Variants in TNS1 observed in about 807,000 individuals in gnomAD.
TNS1 encodes the protein tensin 1.
A neutral mutation model predicts 168.6 loss-of-function variants in TNS1; 62 were observed. The observed-to-expected ratio is 0.37, with a 90% CI of 0.30 to 0.45. The LOEUF is 0.45. Ranked by LOEUF, TNS1 falls within the 20% of genes least tolerant of loss-of-function variation. The pLI, the probability that TNS1 is intolerant of heterozygous loss-of-function variation, is 1.00. For synonymous variants in TNS1, 934 were observed against 933.2 expected, an observed-to-expected ratio of 1.00 and a Z score of -0.02; for missense variants, 2,240 against 2,339.4, an observed-to-expected ratio of 0.96 and a Z score of 0.88.
intron 4 of TNS1, among the ~76,000 whole-genome samples, chr2:217,910,824 C>G (rs1356586018): frequency 1.3e-5 from 2 of 152,004 alleles, no homozygotes; most frequent in Admixed American, 6.6e-5. Flanking sequence ...ACATCATCTC[C>G]TCCATCCCCC....
At chr2:218,003,372 C>T (rs1043492875), upstream of TNS1, among the ~76,000 whole-genome samples, 1 of 152,176 alleles carries the variant, frequency 6.6e-6, no homozygotes, top group African/African-American at 2.4e-5. Context: ...GATGAACAGA[C>T]AGCCCCAGGC....
chr2:217,816,921 C>T (rs937207391), intron 24 of TNS1, among the ~76,000 whole-genome samples: 11 of 152,164 alleles, frequency 7.2e-5, no homozygotes, highest in Non-Finnish European at 1.3e-4. Context: ...CCACTGTGCA[C>T]ACAGTCAAGT....
At chr2:217,877,964 G>A (rs559470585) in intron 18 of TNS1, among the ~76,000 whole-genome samples, 11 of 152,292 alleles carry the variant, frequency 7.2e-5, no homozygotes, top group South Asian at 2.1e-4. Flanking sequence ...TCACCCTCCC[G>A]CAGTGGGCCT....
chr2:217,892,133 T>C (rs1307323740), intron 11 of TNS1, among the ~76,000 whole-genome samples: 2 of 152,238 alleles, frequency 1.3e-5, no homozygotes, highest in Non-Finnish European at 1.5e-5. Flanking sequence ...AGAGTCTCCC[T>C]GTCTCCCAGG....
rs565089091 is a variant in TNS1 at position 217,948,350 on chromosome 2, A to T, written c.187-28114T>A. Among the ~76,000 whole-genome samples the T allele has an allele frequency of 2.2e-3, 339 of 152,232 alleles. 7 individuals carry two copies. Among genetic ancestry groups the T allele is most frequent in the Non-Finnish European group, 2.7e-3 (186 of 68,002 alleles). Reference sequence around the variant, plus strand: ...TCCATCACAGAGAAGGAAGGGCCACATGCCCAGGTCCCAAGGGGAGAGGCC... The same window carrying T: ...TCCATCACAGAGAAGGAAGGGCCACTTGCCCAGGTCCCAAGGGGAGAGGCC... On this transcript the variant is annotated intron_variant, in intron 3 of 32. Coordinates refer to ENST00000682258, the MANE Select transcript of TNS1 (RefSeq NM_001387777.1). This position sits in a 1 kb window ranked among gnomAD's most constrained non-coding sequence, Gnocchi z 4.1.
At chr2:217,886,018 G>A (rs772422616) in intron 14 of TNS1, 26 bp downstream of exon 14, 3 of 1,613,210 alleles carry the variant, frequency 1.9e-6, no homozygotes, top group Non-Finnish European at 2.5e-6. Context: ...GGCTTCTCTG[G>A]CCTCTCACGC....
At chr2:217,911,093 C>T (rs1291069936) in intron 4 of TNS1, among the ~76,000 whole-genome samples, 2 of 152,160 alleles carry the variant, frequency 1.3e-5, no homozygotes, top group African/African-American at 2.4e-5. Context: ...AGACAGACCC[C>T]TATGTCTGTC....
intron 2 of TNS1, among the ~76,000 whole-genome samples, chr2:217,988,733 G>T (rs1958267823): frequency 6.6e-6 from 1 of 152,118 alleles, no homozygotes; most frequent in South Asian, 2.1e-4. Context: ...TATTGCAAAA[G>T]TCCTGGTTAG....
At chr2:218,022,318 C>A (rs1574483456) in intron 1 of TNS1, among the ~76,000 whole-genome samples, 1 of 152,136 alleles carries the variant, frequency 6.6e-6, no homozygotes, top group East Asian at 1.9e-4. Context: ...CATGCCCAGG[C>A]CTGACGGCCT....
rs367588026 is a variant in TNS1 at position 217,847,639 on chromosome 2, G to A, written c.2878C>T (p.Pro960Ser). The A allele has an allele frequency of 6.3e-6, 10 of 1,585,594 alleles. No homozygotes were observed. Among genetic ancestry groups the A allele is most frequent in the South Asian group, 1.1e-5 (1 of 88,814 alleles). Reference protein sequence around the residue: ...TTHSPPGPQQPPASLPGLTAQ... With the variant: ...TTHSPPGPQQSPASLPGLTAQ... ...GTGAGGCCAGGGAGAGAGGCTGGGG[G>A]TTGCTGAGGCCCTGGAGGGCTGTGG... Residue 960 changes from proline to serine, a missense_variant, in exon 19 of 33, where the codon CCC (proline) becomes TCC (serine). Physicochemically the swap from Pro to Ser is moderately conservative, Grantham distance 74. Coordinates refer to ENST00000682258, the MANE Select transcript of TNS1 (RefSeq NM_001387777.1).
intron 32 of TNS1, among the ~76,000 whole-genome samples, chr2:217,805,022 G>C (rs1938227024): frequency 6.6e-6 from 1 of 151,050 alleles, no homozygotes; most frequent in Non-Finnish European, 1.5e-5. Context: ...CTGTCTGCCT[G>C]CAAACGGCTC....
chr2:217,919,426 C>A (rs919026946), intron 4 of TNS1, among the ~76,000 whole-genome samples: 40 of 152,274 alleles, frequency 2.6e-4, no homozygotes, highest in African/African-American at 8.4e-4. Context: ...GACACACCCA[C>A]ACACCTGTAC....
At chr2:217,988,611 CTT>C (rs2126078250) in intron 2 of TNS1, among the ~76,000 whole-genome samples, 1 of 152,310 alleles carries the variant, frequency 6.6e-6, no homozygotes, top group African/African-American at 2.4e-5. Context: ...AAATGCAAAA[CTT>C]CACCTCTAGC....
intron 18 of TNS1, among the ~76,000 whole-genome samples, chr2:217,860,221 C>T (rs946746065): frequency 3.2e-4 from 48 of 152,154 alleles, no homozygotes; most frequent in African/African-American, 9.9e-4. Flanking sequence ...CTCAGCCCCT[C>T]GCCATTTTCA....
Position 217,885,069 on chromosome 2 carries a change from G to A in TNS1, c.1212C>T (p.Val404=), listed in dbSNP as rs1471045024. 2 of 1,614,234 alleles carry A rather than the reference G, an allele frequency of 1.2e-6. No individual in the cohort carries two copies. ...CATCATCAAGGTCCTCCTTCCCAAAGACAACCCCCAGGTCATGGATGGCAC... is the reference window on the plus strand; with the variant it reads ...CATCATCAAGGTCCTCCTTCCCAAAAACAACCCCCAGGTCATGGATGGCAC... ...HTCAIHDLGV[V]FGKEDLDDAF... Residue 404 remains valine (V), a synonymous_variant, in exon 16 of 33, where the codon GTC becomes GTT. Coordinates refer to ENST00000682258, the MANE Select transcript of TNS1 (RefSeq NM_001387777.1).
At chr2:217,953,656 C>A (rs893540578) in intron 3 of TNS1, among the ~76,000 whole-genome samples, 2 of 152,244 alleles carry the variant, frequency 1.3e-5, no homozygotes, top group East Asian at 3.9e-4. Flanking sequence ...TGCCAAAGAG[C>A]CCGCTCCCAC....
upstream of TNS1, among the ~76,000 whole-genome samples, chr2:218,004,911 T>C (rs966179266): frequency 1.3e-5 from 2 of 152,240 alleles, no homozygotes; most frequent in Admixed American, 6.5e-5. Flanking sequence ...CAGTTGGCCC[T>C]GCAGTCACAG....
At chr2:217,898,082 T>C in intron 7 of TNS1, 113 bp from the exon 8 acceptor site, 1 of 1,240,662 alleles carries the variant, frequency 8.1e-7, no homozygotes, top group Non-Finnish European at 1.1e-6. Context: ...CAGCCCAGGG[T>C]GCTTGGCTGC....
upstream of TNS1, among the ~76,000 whole-genome samples, chr2:218,015,376 A>G (rs1158986401): frequency 6.6e-6 from 1 of 151,906 alleles, no homozygotes; most frequent in East Asian, 1.9e-4. Flanking sequence ...AAGAGAGGGG[A>G]AGAAATGTTT....
Sources: gnomAD v4.1 joint callset for allele counts (sites outside exome capture counted in the v4.1 genomes callset) on GRCh38, gnomAD v4.1.1 for gene constraint, Gnocchi (gnomAD v3.1) non-coding constraint, MANE v1.5 for transcripts, NCBI Gene and HGNC (gene_info 2026-07-23, HGNC 2026-07-21) for gene names.